LZTR1: variants seen among roughly 807,000 people sequenced by gnomAD.
LZTR1 encodes leucine-zipper-like transcriptional regulator 1.
LZTR1 carries 260 observed loss-of-function variants against 105.7 expected under a neutral mutation model. That is an observed-to-expected ratio of 2.46 (90% CI 2.22 to 2.72). The LOEUF (loss-of-function observed/expected upper bound fraction) is 2.72, where lower values mean the gene tolerates loss of function less well. Ranked by LOEUF, LZTR1 falls within the 30% of genes most tolerant of loss-of-function variation. The probability of loss-of-function intolerance (pLI) is 0.00; values close to 1 mark genes in which losing one functional copy is unlikely to be tolerated. For synonymous variants in LZTR1, 490 were observed against 476.4 expected (o/e 1.03, Z -0.37); for missense variants, 1,214 against 1,166.9 (o/e 1.04, Z -0.59).
At position 20,994,897 on chromosome 22, in the gene LZTR1, G is replaced by A. The variant is rs140867378; in HGVS notation, c.1813G>A (p.Glu605Lys). Reference protein sequence around the residue: ...KEHCLNFVVKESHFNQVIMMK... With the variant: ...KEHCLNFVVKKSHFNQVIMMK... ...GCACTGCCTGAACTTCGTGGTAAAG[G>A]AGTCCCACTTCAACCAGGTGATCAT... The change falls in exon 16 of 21, where the codon GAG (glutamate) becomes AAG (lysine). Residue 605 changes from glutamate to lysine, a missense_variant. Coordinates refer to ENST00000646124, the MANE Select transcript of LZTR1 (RefSeq NM_006767.4). The A allele has an allele frequency of 1.2e-6, 2 of 1,613,390 alleles. No homozygotes were observed.
intron 9 of LZTR1, 123 bp downstream of exon 9, chr22:20,991,952 C>A: frequency 1.0e-6 from 1 of 960,684 alleles, no homozygotes; most frequent in Non-Finnish European, 1.5e-6. Context: ...AGGAGCAAGG[C>A]CAGGACACCT....
At chr22:20,983,399 C>T (rs1924271103) in intron 2 of LZTR1, among the ~76,000 whole-genome samples, 1 of 152,228 alleles carries the variant, frequency 6.6e-6, no homozygotes, top group Non-Finnish European at 1.5e-5. Context: ...CCCTGCCAGG[C>T]ACTTTTCTTT....
At chr22:20,994,344 C>A in intron 14 of LZTR1, 75 bp downstream of exon 14, 1 of 1,500,878 alleles carries the variant, frequency 6.7e-7, no homozygotes, top group East Asian at 2.3e-5. Flanking sequence ...GTGGGTGCTG[C>A]CAGCCCTGCC....
chr22:20,984,993 G>A (rs1161155213), intron 2 of LZTR1, among the ~76,000 whole-genome samples: 4 of 152,130 alleles, frequency 2.6e-5, no homozygotes, highest in Admixed American at 2.6e-4. Flanking sequence ...GGAGGCTGAG[G>A]TGGGAAGATC....
At chr22:20,984,620 G>T (rs1042270048) in intron 2 of LZTR1, among the ~76,000 whole-genome samples, 4 of 149,094 alleles carry the variant, frequency 2.7e-5, no homozygotes, top group African/African-American at 1.0e-4. Context: ...AGGAGGGGGG[G>T]GGGGCGGTAT....
intron 3 of LZTR1, 46 bp downstream of exon 3, chr22:20,985,943 C>T: frequency 6.4e-7 from 1 of 1,570,372 alleles, no homozygotes; most frequent in Non-Finnish European, 8.8e-7. Flanking sequence ...TCCTAGAACA[C>T]AGTGGCACAG....
At position 20,991,627 on chromosome 22, in the gene LZTR1, G is replaced by C; in HGVS notation, c.792-1G>C. The C allele has an allele frequency of 3.2e-6, 5 of 1,584,134 alleles. No homozygotes were observed. Among genetic ancestry groups the C allele is most frequent in the East Asian group, 2.3e-5 (1 of 44,272 alleles). On this transcript the variant is annotated splice_acceptor_variant, in intron 8 of 20. Coordinates refer to ENST00000646124, the MANE Select transcript of LZTR1 (RefSeq NM_006767.4). LOFTEE classifies it high-confidence loss of function. The stretch of plus-strand genomic sequence containing the variant: ...ATTGATTCACTGTTGTGTACCCCCA[G>C]GTGGACACGCATCCCAACTGAACAC...
At chr22:20,992,395 C>G in intron 10 of LZTR1, 26 bp downstream of exon 10, 1 of 1,600,614 alleles carries the variant, frequency 6.2e-7, no homozygotes, top group East Asian at 2.3e-5. Flanking sequence ...CTCATTAAGA[C>G]TCCATCACCC....
chr22:20,994,484 TG>T (rs1924741214), intron 14 of LZTR1, 73 bp from the exon 15 acceptor site: 6 of 1,482,912 alleles, frequency 4.0e-6, no homozygotes, highest in South Asian at 2.3e-5. Flanking sequence ...CACTCTTCCA[TG>T]GGGGGAGCCC....
chr22:20,995,418 T>TG (rs1409223002), intron 16 of LZTR1: 1 of 620,366 alleles, frequency 1.6e-6, no homozygotes, highest in East Asian at 3.6e-5. Flanking sequence ...CCCCGGTTGC[T>TG]GGCTCTTGGT....
chr22:20,996,562 T>G (rs1017989845), intron 18 of LZTR1, 134 bp from the exon 19 acceptor site: 1 of 678,248 alleles, frequency 1.5e-6, no homozygotes, highest in East Asian at 2.7e-5. Flanking sequence ...TTTGACCCAC[T>G]AAGTAGTTCA....
Position 20,996,523 on chromosome 22 carries a change from A to C in LZTR1, c.2220-173A>C, listed in dbSNP as rs541632450. ...CACTATTTTTCTCGGGAGGGGATTC[A>C]TGGTTTTCTTTGGATCCTGAATGGG... On this transcript the variant is annotated intron_variant, in intron 18 of 20. Coordinates refer to ENST00000646124, the MANE Select transcript of LZTR1 (RefSeq NM_006767.4). The C allele has an allele frequency of 3.0e-3, 1,882 of 618,142 alleles. 5 individuals are homozygous for C. Among genetic ancestry groups the C allele is most frequent in the South Asian group, 3.8e-3 (193 of 50,912 alleles). 38.3% of individuals were successfully genotyped at this position (618,142 alleles called of 1,614,324 possible).
intron 14 of LZTR1, 57 bp from the exon 15 acceptor site, chr22:20,994,501 C>T (rs1422409439): frequency 1.3e-6 from 2 of 1,564,990 alleles, no homozygotes; most frequent in East Asian, 4.5e-5. Flanking sequence ...AGCCCTGCGC[C>T]CTGTGCCCTG....
At chr22:20,996,296 G>A in intron 18 of LZTR1, 184 bp downstream of exon 18, 1 of 665,534 alleles carries the variant, frequency 1.5e-6, no homozygotes, top group Non-Finnish European at 2.5e-6. Context: ...CAGCTGGCAA[G>A]GAGGGGTTTG....
At position 20,994,182 on chromosome 22, in the gene LZTR1, C is replaced by CA; in HGVS notation, c.1529dup (p.His510GlnfsTer159). The CA allele has an allele frequency of 1.2e-6, 2 of 1,603,072 alleles. No individual in the cohort carries two copies. Among genetic ancestry groups the CA allele is most frequent in the Non-Finnish European group, 1.7e-6 (2 of 1,177,482 alleles). The stretch of plus-strand genomic sequence containing the variant: ...TGGTGGGGCCCGGCCGCCCCTGCTG[C>CA]ACGTGGCCATCCGGGAGGCCGAGGC... On this transcript the variant is annotated frameshift_variant, in exon 14 of 21. Coordinates refer to ENST00000646124, the MANE Select transcript of LZTR1 (RefSeq NM_006767.4). LOFTEE classifies it high-confidence loss of function.
chr22:20,984,622 G>GGGT (rs1555927169), intron 2 of LZTR1, among the ~76,000 whole-genome samples: 2,860 of 132,576 alleles, frequency 0.022, 55 homozygotes, highest in East Asian at 0.07. Flanking sequence ...GAGGGGGGGG[G>GGGT]GGCGGTATCA....
rs1924685710 is a variant in LZTR1 at position 20,993,687 on chromosome 22, T to C, written c.1286T>C (p.Leu429Pro). The C allele has an allele frequency of 6.2e-7, 1 of 1,613,600 alleles. No homozygotes were observed. Among genetic ancestry groups the C allele is most frequent in the Non-Finnish European group, 8.5e-7 (1 of 1,179,948 alleles). ...FQFSCYPKCT[L>P]HEDYGRLWES... The stretch of plus-strand genomic sequence containing the variant: ...TTCTCCTGTTACCCTAAATGCACGC[T>C]GCACGAGGACTACGGGCGGCTGTGG... The change falls in exon 12 of 21, where the codon CTG becomes CCG. Residue 429 changes from leucine to proline, a missense_variant. Transcript: ENST00000646124.
At position 20,990,631 on chromosome 22, in the gene LZTR1, G is replaced by C. The variant is rs17820542; in HGVS notation, c.791+106G>C. 595,665 of 1,255,700 alleles carry C rather than the reference G, an allele frequency of 0.47. 142,939 individuals carry two copies. Among genetic ancestry groups the C allele is most frequent in the Admixed American group, 0.52 (25,165 of 48,736 alleles). The allele number at this position is 1,255,700 out of a possible 1,614,324, so 77.8% of individuals were successfully genotyped here. On this transcript the variant is annotated intron_variant, in intron 8 of 20. Transcript: ENST00000646124. ...CCTGGTGGCCATGGTAACCATCCTT[G>C]TGAGCTCTGCAAACAGCAGGAGGTT...
chr22:20,989,401 T>G (rs147283306), intron 6 of LZTR1, among the ~76,000 whole-genome samples: 81 of 152,316 alleles, frequency 5.3e-4, no homozygotes, highest in Non-Finnish European at 1.0e-3. Context: ...CCTGATGTCA[T>G]GCATGAGAGT....
Sources: gnomAD v4.1 joint callset for allele counts (sites outside exome capture counted in the v4.1 genomes callset) on GRCh38, gnomAD v4.1.1 for gene constraint, MANE v1.5 for transcripts, NCBI Gene and HGNC (gene_info 2026-07-23, HGNC 2026-07-21) for gene names.